Variants in TCEA1 observed in about 807,000 individuals in gnomAD.
The protein encoded by TCEA1 is transcription elongation factor A1.
In TCEA1, 21 loss-of-function variants were observed where a neutral mutation model predicts 43.8. The observed-to-expected ratio is 0.48, with a 90% CI of 0.34 to 0.69. The LOEUF (loss-of-function observed/expected upper bound fraction) is 0.69, where lower values mean the gene tolerates loss of function less well. TCEA1 is among the 30% of genes least tolerant of loss of function. The probability of loss-of-function intolerance (pLI) is 0.01; values close to 1 mark genes in which losing one functional copy is unlikely to be tolerated. For synonymous variants in TCEA1, 104 were observed against 117.5 expected, an observed-to-expected ratio of 0.88 and a Z score of 0.75; for missense variants, 250 against 365.1, an observed-to-expected ratio of 0.68 and a Z score of 2.57.
At chr8:54,018,756 G>A (rs1466122249) in intron 1 of TCEA1, among the ~76,000 whole-genome samples, 1 of 152,112 alleles carries the variant, frequency 6.6e-6, no homozygotes, top group Non-Finnish European at 1.5e-5. Context: ...GTAGAACTAG[G>A]GTCAGGATAT....
intron 2 of TCEA1, among the ~76,000 whole-genome samples, chr8:54,008,095 T>C (rs1041207405): frequency 6.7e-6 from 1 of 148,786 alleles, no homozygotes; most frequent in East Asian, 2.0e-4. Flanking sequence ...GGCAAGAGAA[T>C]TGCTTGAATC....
chr8:54,017,390 T>C (rs1804866277), intron 1 of TCEA1, among the ~76,000 whole-genome samples: 1 of 152,216 alleles, frequency 6.6e-6, no homozygotes. Flanking sequence ...GCTTATTCAA[T>C]GTGAAGACAA....
chr8:53,996,903 C>CTGTTTTTTTTTTTTTTTTTTTTTTTTTT (rs1804072546), intron 3 of TCEA1, among the ~76,000 whole-genome samples: 1 of 116,626 alleles, frequency 8.6e-6, no homozygotes, highest in African/African-American at 3.7e-5. Flanking sequence ...AGAAGGTTGT[C>CTGTTTTTTTTTTTTTTTTTTTTTTTTTT]TTTTTTTTTT....
At chr8:53,983,596 A>T (rs1317378720) in intron 7 of TCEA1, among the ~76,000 whole-genome samples, 1 of 152,012 alleles carries the variant, frequency 6.6e-6, no homozygotes, top group Non-Finnish European at 1.5e-5. Flanking sequence ...TGAACCCGGG[A>T]GGCAGAGGTT....
intron 2 of TCEA1, among the ~76,000 whole-genome samples, chr8:54,004,402 A>T (rs1322965440): frequency 6.6e-6 from 1 of 152,232 alleles, no homozygotes; most frequent in Admixed American, 6.5e-5. Flanking sequence ...ATGGATAAAC[A>T]ACATGTGAAA....
intron 7 of TCEA1, among the ~76,000 whole-genome samples, chr8:53,981,471 CCTCTA>C (rs1222925666): frequency 6.6e-6 from 1 of 152,210 alleles, no homozygotes; most frequent in African/African-American, 2.4e-5. Context: ...AATTATGCTA[CCTCTA>C]CTCTGTCTGT....
At chr8:54,013,680 C>CAAAAAAAAAAAAAAAAA (rs5891511) in intron 1 of TCEA1, among the ~76,000 whole-genome samples, 1 of 65,302 alleles carries the variant, frequency 1.5e-5, no homozygotes, top group African/African-American at 5.4e-5. Context: ...AACTCCATCT[C>CAAAAAAAAAAAAAAAAA]AAAAAAAAAA....
At chr8:53,972,807 T>C in intron 8 of TCEA1, 1 of 722,474 alleles carries the variant, frequency 1.4e-6, no homozygotes, top group Admixed American at 1.8e-5. Flanking sequence ...CAGTAAAATT[T>C]ATGAGGATTG....
At chr8:54,014,159 A>G (rs1045233651) in intron 1 of TCEA1, among the ~76,000 whole-genome samples, 5 of 152,248 alleles carry the variant, frequency 3.3e-5, no homozygotes, top group African/African-American at 1.2e-4. Context: ...GGTCATACTG[A>G]CGGGTAGTAA....
At chr8:54,014,414 A>G (rs1056246304) in intron 1 of TCEA1, among the ~76,000 whole-genome samples, 4 of 152,182 alleles carry the variant, frequency 2.6e-5, no homozygotes, top group Non-Finnish European at 4.4e-5. Flanking sequence ...GTTCGAGACC[A>G]GCCTGGATAA....
At chr8:53,985,341 T>C (rs1251765129) in intron 6 of TCEA1, among the ~76,000 whole-genome samples, 3 of 152,150 alleles carry the variant, frequency 2.0e-5, no homozygotes, top group African/African-American at 4.8e-5. Flanking sequence ...TTCCTAAATG[T>C]TTAGTGCCAG....
intron 3 of TCEA1, among the ~76,000 whole-genome samples, chr8:53,995,798 A>T (rs1305009744): frequency 6.6e-6 from 1 of 152,224 alleles, no homozygotes; most frequent in Non-Finnish European, 1.5e-5. Context: ...CTGGATGAGA[A>T]TCACTGATAA....
At chr8:53,980,270 T>C (rs1025680527) in intron 7 of TCEA1, among the ~76,000 whole-genome samples, 2 of 152,242 alleles carry the variant, frequency 1.3e-5, no homozygotes, top group African/African-American at 4.8e-5. Flanking sequence ...AAGAAATGTA[T>C]AGAATATGCC....
chr8:54,002,714 G>C (rs888050845), intron 2 of TCEA1, among the ~76,000 whole-genome samples: 1 of 152,136 alleles, frequency 6.6e-6, no homozygotes, highest in Non-Finnish European at 1.5e-5. Context: ...TAGGTTATAC[G>C]AAAGTATTCT....
chr8:54,011,053 T>C (rs1445487756), intron 1 of TCEA1, among the ~76,000 whole-genome samples: 1 of 152,236 alleles, frequency 6.6e-6, no homozygotes, highest in Non-Finnish European at 1.5e-5. Context: ...TCTGCCTGCC[T>C]TGGCCTCCCA....
At chr8:53,971,783 T>A in intron 8 of TCEA1, 1 of 238,120 alleles carries the variant, frequency 4.2e-6, no homozygotes, top group Non-Finnish European at 7.9e-6. Flanking sequence ...AACTCCAGAC[T>A]AAAAAAGAAA....
At chr8:53,992,361 C>T (rs1803909504) in intron 4 of TCEA1, among the ~76,000 whole-genome samples, 1 of 151,892 alleles carries the variant, frequency 6.6e-6, no homozygotes, top group African/African-American at 2.4e-5. Context: ...GCCTGTAATC[C>T]CAGCACTTTG....
chr8:53,969,347 G>C (rs1325986322), intron 9 of TCEA1, among the ~76,000 whole-genome samples: 1 of 152,204 alleles, frequency 6.6e-6, no homozygotes, highest in South Asian at 2.1e-4. Context: ...CCTTAAAGTG[G>C]AGTTGAAGAA....
At chr8:53,995,516 G>A (rs948098648) in intron 3 of TCEA1, among the ~76,000 whole-genome samples, 1 of 151,980 alleles carries the variant, frequency 6.6e-6, no homozygotes, top group Non-Finnish European at 1.5e-5. Flanking sequence ...GAAAACGTTT[G>A]GGTCTACTGT....
Sources: allele counts gnomAD v4.1 joint callset (sites outside exome capture counted in the v4.1 genomes callset), GRCh38; gene constraint gnomAD v4.1.1; transcripts MANE v1.5; gene names NCBI Gene and HGNC (gene_info 2026-07-23, HGNC 2026-07-21).